The following ZNF765 variants were observed in gnomAD, a reference collection of about 807,000 sequenced individuals.
ZNF765 encodes zinc finger protein 765.
ZNF765 carries 37 observed loss-of-function variants against 44.7 expected under a neutral mutation model. The ratio of observed to expected loss-of-function variants is 0.83; its 90% CI spans 0.64 to 1.09. The LOEUF is 1.09. Ranked by LOEUF, ZNF765 falls within the 50% of genes least tolerant of loss-of-function variation. The probability of loss-of-function intolerance (pLI) is 0.00; values close to 1 mark genes in which losing one functional copy is unlikely to be tolerated. For missense variants in ZNF765, 594 were observed against 626.1 expected (o/e 0.95, Z 0.55); for synonymous variants, 201 against 213.7 (o/e 0.94, Z 0.52).
rs1217483674 is a variant in ZNF765 at position 53,399,444 on chromosome 19, A to G, written c.15+1414A>G. 5.9e-5 allele frequency among the ~76,000 whole-genome samples: 9 copies of G among 152,028 alleles called. No individual in the cohort carries two copies. In the East Asian group the frequency reaches 1.7e-3, roughly 29 times the overall value. On this transcript the variant is annotated intron_variant, in intron 2 of 3. Transcript: ENST00000396408. ...CAGTTCTGTGCCAGGCGTCAGAGCA[A>G]GTCTCATACACATGTATTTCTGCAT...
Position 53,408,426 on chromosome 19 carries a change from A to G in ZNF765, c.871A>G (p.Arg291Gly). ...GACATATTACCTAACATGCCATCGTAGACTTCATACTGGAGAGAAACCTTA... is the reference window on the plus strand; with the variant it reads ...GACATATTACCTAACATGCCATCGTGGACTTCATACTGGAGAGAAACCTTA... ...SQTYYLTCHR[R>G]LHTGEKPYKC... The change falls in exon 4 of 4, where the codon AGA becomes GGA. Residue 291 changes from arginine (R) to glycine (G), a missense_variant. By Grantham distance (125) the Arg-to-Gly change is moderately radical. This residue lies in a region of ZNF765 where 567 missense variants were observed against 572.6 expected (regional missense o/e 0.99). Coordinates refer to ENST00000396408, the MANE Select transcript of ZNF765 (RefSeq NM_001040185.3). 1 of 1,614,064 alleles carries G rather than the reference A, an allele frequency of 6.2e-7. No homozygotes were observed.
In ZNF765 at chr19:53,408,497, TCAAATA is replaced by T. The variant is rs1371443127; in HGVS notation, c.945_950del (p.Gln315_Ile316del). 1 of 1,612,114 alleles carries T rather than the reference TCAAATA, an allele frequency of 6.2e-7. No individual in the cohort carries two copies. Among genetic ancestry groups the T allele is most frequent in the African/African-American group, 1.3e-5 (1 of 74,630 alleles). The stretch of plus-strand genomic sequence containing the variant: ...AAGCTTTCCATTTCAAATCAAAGCT[TCAAATA>T]CATAGGAGAATTCATACTGGAGAGA... On this transcript the variant is annotated inframe_deletion, in exon 4 of 4. Transcript: ENST00000396408.
chr19:53,408,500 AATAC>A lies in ZNF765; in HGVS notation c.949_952del (p.His317GlyfsTer107). Reference sequence around the variant, plus strand: ...CTTTCCATTTCAAATCAAAGCTTCAAATACATAGGAGAATTCATACTGGAGAGAA... The same window carrying A: ...CTTTCCATTTCAAATCAAAGCTTCAAATAGGAGAATTCATACTGGAGAGAA... On this transcript the variant is annotated frameshift_variant, in exon 4 of 4. Coordinates refer to ENST00000396408, the MANE Select transcript of ZNF765 (RefSeq NM_001040185.3). LOFTEE classifies it high-confidence loss of function. The A allele has an allele frequency of 1.9e-6, 3 of 1,612,348 alleles. No individual in the cohort carries two copies. The highest frequency in any genetic ancestry group is 2.5e-6 in the Non-Finnish European group (3 of 1,179,092).
chr19:53,402,552 G>A (rs1049285681), intron 3 of ZNF765, among the ~76,000 whole-genome samples: 2 of 152,020 alleles, frequency 1.3e-5, no homozygotes, highest in Admixed American at 6.6e-5. Context: ...AAGCCACCGT[G>A]CCCGGCCTAT....
At chr19:53,397,418 T>C (rs1298186250) in intron 1 of ZNF765, among the ~76,000 whole-genome samples, 1 of 152,196 alleles carries the variant, frequency 6.6e-6, no homozygotes, top group Non-Finnish European at 1.5e-5. Context: ...TTTGAATTTT[T>C]AGTAGAGACA....
chr19:53,417,597 T>C (rs2085882987), intron 3 of ZNF765, among the ~76,000 whole-genome samples: 1 of 152,212 alleles, frequency 6.6e-6, no homozygotes. Context: ...TACACGTGCA[T>C]GCGTCTTTAC....
chr19:53,395,730 G>A (rs1217774034), intron 1 of ZNF765, among the ~76,000 whole-genome samples: 1 of 152,216 alleles, frequency 6.6e-6, no homozygotes, highest in Non-Finnish European at 1.5e-5. Context: ...AGTTAGGGAG[G>A]TGCCCGGGGC....
chr19:53,408,148 A>G lies in ZNF765; in HGVS notation c.593A>G (p.Asn198Ser). 6.2e-7 allele frequency: 1 copy of G among 1,614,058 alleles called. No homozygotes were observed. The highest frequency in any genetic ancestry group is 8.5e-7 in the Non-Finnish European group (1 of 1,179,902). The part of the protein sequence containing the change: ...ISNDYGNNFL[N>S]SSLFTQKQEV... ...AATGACTATGGGAATAATTTCCTGA[A>G]TTCTTCATTATTCACACAAAAACAG... Residue 198 changes from asparagine (N) to serine (S), a missense_variant, in exon 4 of 4, where the codon AAT becomes AGT. By Grantham distance (46) the Asn-to-Ser change is conservative. This residue lies in a region of ZNF765 where 567 missense variants were observed against 572.6 expected (regional missense o/e 0.99). Coordinates refer to ENST00000396408, the MANE Select transcript of ZNF765 (RefSeq NM_001040185.3).
chr19:53,399,243 C>T (rs2085699401), intron 2 of ZNF765, among the ~76,000 whole-genome samples: 2 of 130,652 alleles, frequency 1.5e-5, no homozygotes, highest in East Asian at 2.5e-4. Context: ...CCCTCCCCCA[C>T]CCCACAACAG....
At chr19:53,398,638 C>A (rs1475872342) in intron 2 of ZNF765, among the ~76,000 whole-genome samples, 1 of 152,296 alleles carries the variant, frequency 6.6e-6, no homozygotes, top group Admixed American at 6.5e-5. Flanking sequence ...GAGATTCATT[C>A]AACCATTCTT....
chr19:53,419,864 A>G (rs929767552), intron 3 of ZNF765, among the ~76,000 whole-genome samples: 12 of 151,964 alleles, frequency 7.9e-5, no homozygotes, highest in Admixed American at 2.6e-4. Context: ...CTAAAACTAC[A>G]AACGATTACC....
At chr19:53,427,207 C>T (rs1399150142) in exon 4 of ZNF765, 2 of 138,888 alleles carry the variant, frequency 1.4e-5, no homozygotes, top group African/African-American at 3.0e-5. Flanking sequence ...TTCCTTCAGA[C>T]GCATACTCAG....
At chr19:53,420,091 T>C (rs902105146) in intron 3 of ZNF765, among the ~76,000 whole-genome samples, 2 of 151,718 alleles carry the variant, frequency 1.3e-5, no homozygotes, top group African/African-American at 4.8e-5. Flanking sequence ...CCCAGCACTT[T>C]GGGAGACCGA....
exon 4 of ZNF765, chr19:53,427,069 T>C (rs1422462170): frequency 1.5e-5 from 2 of 133,928 alleles, no homozygotes; most frequent in Non-Finnish European, 3.1e-5. Flanking sequence ...CTGAGAAGTC[T>C]GTCTGTCTGT....
chr19:53,401,898 A>G (rs764747007), intron 2 of ZNF765, 167 bp from the exon 3 acceptor site: 2 of 1,543,476 alleles, frequency 1.3e-6, no homozygotes, highest in Non-Finnish European at 1.8e-6. Context: ...AAAGAACTTT[A>G]GTAAACACAA....
intron 3 of ZNF765, among the ~76,000 whole-genome samples, chr19:53,406,315 C>A (rs1050938682): frequency 4.3e-4 from 66 of 151,916 alleles, no homozygotes; most frequent in African/African-American, 1.5e-3. Flanking sequence ...AGACCTGAGC[C>A]ACCGTGTCCA....
chr19:53,402,170 T>C lies in ZNF765; in HGVS notation c.121T>C (p.Tyr41His). The change falls in exon 3 of 4, where the codon TAT becomes CAT. Residue 41 changes from tyrosine (Y) to histidine (H), a missense_variant. Tyr to His is a moderately conservative substitution (Grantham distance 83, BLOSUM62 2). Coordinates refer to ENST00000396408, the MANE Select transcript of ZNF765 (RefSeq NM_001040185.3). ...ATACAGGGACGTGATGCTGGAGAAT[T>C]ATAGGAACCTGGTCTCCCTGGGTGA... ...TLYRDVMLEN[Y>H]RNLVSLDISS... The C allele has an allele frequency of 1.2e-6, 2 of 1,613,750 alleles. No homozygotes were observed. The highest frequency in any genetic ancestry group is 1.7e-6 in the Non-Finnish European group (2 of 1,179,934).
rs1600041288 is a variant in ZNF765, at chr19:53,395,184, A to G, written c.-83A>G. 6.6e-6 allele frequency: 1 copy of G among 152,160 alleles called. No homozygotes were observed. The allele number at this position is 152,160 out of a possible 1,614,324, so 9.4% of individuals were successfully genotyped here. On this transcript the variant is annotated 5_prime_UTR_variant, in exon 1 of 4. Coordinates refer to ENST00000396408, the MANE Select transcript of ZNF765 (RefSeq NM_001040185.3). The stretch of plus-strand genomic sequence containing the variant: ...GCGGACGGCGTGGAGTGACTATCCC[A>G]CCGCCGCGGGTGAGTTTCGCTCTGT...
At chr19:53,420,276 G>T (rs1477749218) in intron 3 of ZNF765, among the ~76,000 whole-genome samples, 1 of 152,086 alleles carries the variant, frequency 6.6e-6, no homozygotes, top group African/African-American at 2.4e-5. Context: ...AAGTTGCGGT[G>T]AGCCAAGATC....
Sources: allele counts gnomAD v4.1 joint callset (sites outside exome capture counted in the v4.1 genomes callset), GRCh38; gene constraint gnomAD v4.1.1; regional missense constraint gnomAD v4.1.1; transcripts MANE v1.5; gene names NCBI Gene and HGNC (gene_info 2026-07-23, HGNC 2026-07-21).